LRRC45: variants seen among roughly 807,000 people sequenced by gnomAD.
LRRC45 encodes the protein leucine-rich repeat-containing protein 45.
LRRC45 carries 73 observed loss-of-function variants against 85.4 expected under a neutral mutation model. The ratio of observed to expected loss-of-function variants is 0.85; its 90% CI spans 0.71 to 1.04. LRRC45 has a LOEUF of 1.04. Ranked by LOEUF, LRRC45 falls within the 50% of genes least tolerant of loss-of-function variation. LRRC45 has a pLI of 0.00. For missense variants in LRRC45, 937 were observed against 883.3 expected (o/e 1.06, Z -0.77); for synonymous variants, 429 against 386.0 (o/e 1.11, Z -1.31).
At position 82,023,689 on chromosome 17, in the gene LRRC45, G is replaced by C; in HGVS notation, c.46G>C (p.Gly16Arg). Reference protein sequence around the residue: ...RSYSRLCRESGAEPQEAVLQQ... With the variant: ...RSYSRLCRESRAEPQEAVLQQ... ...CTACAGCCGCCTGTGCAGGGAGAGT[G>C]GGGCCGAGCCCCAGGAGGCTGTCCT... Residue 16 changes from glycine (G) to arginine (R), a missense_variant, in exon 1 of 17, where the codon GGG becomes CGG. By Grantham distance (125) the Gly-to-Arg change is moderately radical. Coordinates refer to ENST00000306688, the MANE Select transcript of LRRC45 (RefSeq NM_144999.4). 1 of 1,553,350 alleles carries C rather than the reference G, an allele frequency of 6.4e-7. No homozygotes were observed. The highest frequency in any genetic ancestry group is 1.2e-5 in the South Asian group (1 of 85,106).
Position 82,023,513 on chromosome 17 carries a change from C to T in LRRC45, c.-131C>T. On this transcript the variant is annotated 5_prime_UTR_variant, in exon 1 of 17. Coordinates refer to ENST00000306688, the MANE Select transcript of LRRC45 (RefSeq NM_144999.4). ...GGACCTCCCGCCCGCGGAGCCCACT[C>T]GGATTGCTCTCCGCCCGGGTCGGCG... 1 of 802,784 alleles carries T rather than the reference C, an allele frequency of 1.2e-6. No individual in the cohort carries two copies. The highest frequency in any genetic ancestry group is 1.9e-6 in the Non-Finnish European group (1 of 532,218). The allele number at this position is 802,784 out of a possible 1,614,324, so 49.7% of individuals were successfully genotyped here.
At chr17:82,024,846 T>C in intron 3 of LRRC45, 83 bp downstream of exon 3, 3 of 1,471,202 alleles carry the variant, frequency 2.0e-6, no homozygotes, top group Non-Finnish European at 2.7e-6. Flanking sequence ...GCCCAAGAGT[T>C]CCCCATTGCC....
Position 82,030,693 on chromosome 17 carries a change from C to A in LRRC45, c.1901C>A (p.Ala634Glu). Residue 634 changes from alanine (A) to glutamate (E), a missense_variant, in exon 17 of 17, where the codon GCG becomes GAG. Ala to Glu is a moderately radical substitution (Grantham distance 107, BLOSUM62 -1). Coordinates refer to ENST00000306688, the MANE Select transcript of LRRC45 (RefSeq NM_144999.4). ...SLREKLRLRE[A>E]EIARIRDEEA... ...CGGGAGAAGCTGCGGCTCCGGGAGG[C>A]GGAGATCGCCCGCATCCGGGACGAG... The A allele has an allele frequency of 6.7e-7, 1 of 1,491,244 alleles. No homozygotes were observed. Among genetic ancestry groups the A allele is most frequent in the Non-Finnish European group, 9.0e-7 (1 of 1,110,538 alleles). 92.4% of individuals were successfully genotyped at this position (1,491,244 alleles called of 1,614,324 possible).
Position 82,030,166 on chromosome 17 carries a change from G to A in LRRC45, c.1596G>A (p.Glu532=). The A allele has an allele frequency of 1.9e-6, 3 of 1,546,428 alleles. No homozygotes were observed. Among genetic ancestry groups the A allele is most frequent in the Non-Finnish European group, 2.6e-6 (3 of 1,145,406 alleles). ...TACAGCAGAAGCAGGTGGTGGCCGA[G>A]GCCCAGACCCGGGTCAGCCAGCTGG... ...ACLQQKQVVA[E]AQTRVSQLGL... Residue 532 remains glutamate (E), a synonymous_variant, in exon 15 of 17, where the codon GAG becomes GAA. Transcript: ENST00000306688.
Position 82,027,385 on chromosome 17 carries a change from G to A in LRRC45, c.775-1G>A, listed in dbSNP as rs368250722. The A allele has an allele frequency of 6.2e-7, 1 of 1,612,616 alleles. No homozygotes were observed. Among genetic ancestry groups the A allele is most frequent in the Non-Finnish European group, 8.5e-7 (1 of 1,179,944 alleles). ...AGGGCTGCGGCTGTCTCTGTCCCCAGTTCCTCGACTTGATGGAGACTATTG... is the reference window on the plus strand; with the variant it reads ...AGGGCTGCGGCTGTCTCTGTCCCCAATTCCTCGACTTGATGGAGACTATTG... On this transcript the variant is annotated splice_acceptor_variant, in intron 6 of 16. Coordinates refer to ENST00000306688, the MANE Select transcript of LRRC45 (RefSeq NM_144999.4). LOFTEE classifies it high-confidence loss of function.
At chr17:82,024,015 G>T (rs7212595) in intron 1 of LRRC45, 152 bp downstream of exon 1, 1 of 755,844 alleles carries the variant, frequency 1.3e-6, no homozygotes, top group Non-Finnish European at 2.1e-6. Flanking sequence ...GGGAGTAGAG[G>T]GCAGTTCCTC....
rs779922583 is a variant in LRRC45 at position 82,029,084 on chromosome 17, CCT to C, written c.1309-8_1309-7del. ...CCACTCTGGCCCCACAATCCCTGCC[CCT>C]GAGCAGGTGGAGCATATGACCCGTC... On this transcript the variant is annotated splice_region_variant and splice_polypyrimidine_tract_variant and intron_variant, in intron 12 of 16. Transcript: ENST00000306688. The C allele has an allele frequency of 1.4e-5, 22 of 1,611,106 alleles. No individual in the cohort carries two copies. Among genetic ancestry groups the C allele is most frequent in the South Asian group, 1.1e-5 (1 of 90,532 alleles).
At chr17:82,028,343 G>A (rs757416425) in intron 10 of LRRC45, 32 bp downstream of exon 10, 24 of 1,605,342 alleles carry the variant, frequency 1.5e-5, no homozygotes, top group Non-Finnish European at 1.9e-5. Context: ...AGGGAGCCCA[G>A]GGTGGGCGCG....
chr17:82,023,377 C>G lies in LRRC45; in HGVS notation c.-267C>G, dbSNP rs2043330399. The G allele has an allele frequency of 2.1e-6, 1 of 485,830 alleles. No individual in the cohort carries two copies. The allele number at this position is 485,830 out of a possible 1,614,324, so 30.1% of individuals were successfully genotyped here. On this transcript the variant is annotated 5_prime_UTR_variant, in exon 1 of 17. Transcript: ENST00000306688. ...GGTCGGGGCTGCAGGCGGGGCAGGGCTGGGTGGGGGCGCGCGACGCACCTG... is the reference window on the plus strand; with the variant it reads ...GGTCGGGGCTGCAGGCGGGGCAGGGGTGGGTGGGGGCGCGCGACGCACCTG...
intron 1 of LRRC45, 172 bp from the exon 2 acceptor site, chr17:82,024,106 G>T (rs1473960986): frequency 1.2e-6 from 1 of 807,726 alleles, no homozygotes; most frequent in Non-Finnish European, 1.9e-6. Context: ...CCTGGCAGGG[G>T]CTGCAGGTGT....
At position 82,027,463 on chromosome 17, in the gene LRRC45, G is replaced by A. The variant is rs1033110417; in HGVS notation, c.833+19G>A. The A allele has an allele frequency of 1.9e-6, 3 of 1,612,554 alleles. No homozygotes were observed. Among genetic ancestry groups the A allele is most frequent in the Non-Finnish European group, 2.5e-6 (3 of 1,179,884 alleles). On this transcript the variant is annotated intron_variant, in intron 7 of 16. Coordinates refer to ENST00000306688, the MANE Select transcript of LRRC45 (RefSeq NM_144999.4). ...GCAGCAGGTGAGCGGGCCCAGGGCA[G>A]GGGCAGGGTGAGGCTTCAGGGATCA...
At chr17:82,024,113 G>A in intron 1 of LRRC45, 165 bp from the exon 2 acceptor site, 1 of 835,262 alleles carries the variant, frequency 1.2e-6, no homozygotes, top group South Asian at 1.8e-5. Context: ...GGGGCTGCAG[G>A]TGTTTCAAAC....
intron 1 of LRRC45, 35 bp downstream of exon 1, chr17:82,023,898 C>T (rs989381826): frequency 2.0e-6 from 3 of 1,525,542 alleles, no homozygotes; most frequent in East Asian, 2.5e-5. Context: ...CCCTCTGCTC[C>T]TTAGCTGCCC....
chr17:82,030,200 G>A lies in LRRC45; in HGVS notation c.1630G>A (p.Val544Ile), dbSNP rs1219241911. The change falls in exon 15 of 17, where the codon GTT becomes ATT. Residue 544 changes from valine to isoleucine, a missense_variant. Val to Ile is a conservative substitution (Grantham distance 29). Coordinates refer to ENST00000306688, the MANE Select transcript of LRRC45 (RefSeq NM_144999.4). ...CCGGGTCAGCCAGCTGGGCCTGCAA[G>A]TTGAGGGCCTGCGGCGGCGCCTGGA... ...QTRVSQLGLQ[V>I]EGLRRRLEEL... 1 of 1,540,726 alleles carries A rather than the reference G, an allele frequency of 6.5e-7. No individual in the cohort carries two copies. The highest frequency in any genetic ancestry group is 8.8e-7 in the Non-Finnish European group (1 of 1,141,164).
intron 12 of LRRC45, 73 bp downstream of exon 12, chr17:82,028,756 C>A: frequency 6.7e-7 from 1 of 1,489,074 alleles, no homozygotes; most frequent in Non-Finnish European, 9.1e-7. Flanking sequence ...CCAAAGCACA[C>A]ACCTGGTGGG....
At position 82,023,799 on chromosome 17, in the gene LRRC45, G is replaced by C; in HGVS notation, c.156G>C (p.Lys52Asn). Residue 52 changes from lysine (K) to asparagine (N), a missense_variant, in exon 1 of 17, where the codon AAG becomes AAC. By Grantham distance (94) the Lys-to-Asn change is moderately conservative. Transcript: ENST00000306688. ...LTVETCRALG[K>N]LLPRETLCTE... The stretch of plus-strand genomic sequence containing the variant: ...TGGAGACCTGCAGGGCCCTGGGCAA[G>C]CTGCTGCCGAGGGAGACGCTGTGCA... 6.4e-7 allele frequency: 1 copy of C among 1,570,042 alleles called. No individual in the cohort carries two copies. Among genetic ancestry groups the C allele is most frequent in the Non-Finnish European group, 8.6e-7 (1 of 1,160,122 alleles).
intron 6 of LRRC45, 115 bp from the exon 7 acceptor site, chr17:82,027,271 T>C: frequency 7.5e-7 from 1 of 1,331,152 alleles, no homozygotes; most frequent in Non-Finnish European, 1.1e-6. Context: ...GCACCGTGGG[T>C]GGAACCCTCC....
chr17:82,027,593 A>G, intron 7 of LRRC45, 81 bp from the exon 8 acceptor site: 9 of 1,538,406 alleles, frequency 5.9e-6, no homozygotes, highest in Non-Finnish European at 8.0e-6. Flanking sequence ...CTTAAGGAAC[A>G]GCAGCAGCTA....
rs759566785 is a variant in LRRC45, at chr17:82,024,702, C to G, written c.292C>G (p.Leu98Val). Residue 98 changes from leucine to valine, a missense_variant, in exon 3 of 17, where the codon CTT (leucine) becomes GTT (valine). By Grantham distance (32) the Leu-to-Val change is conservative. Coordinates refer to ENST00000306688, the MANE Select transcript of LRRC45 (RefSeq NM_144999.4). ...CCTGTTTCTCTCCTAGGGCAACAAC[C>G]TTCGGGCTGCAGGGGCCGAGGCTCT... is the stretch of plus-strand genomic sequence containing the variant. ...LRFLDLKGNN[L>V]RAAGAEALGK... 4.7e-5 allele frequency: 74 copies of G among 1,572,786 alleles called. No individual in the cohort carries two copies. The highest frequency in any genetic ancestry group is 6.4e-5 in the Non-Finnish European group (74 of 1,163,316).
Sources: gnomAD v4.1 joint callset for allele counts on GRCh38, gnomAD v4.1.1 for gene constraint, MANE v1.5 for transcripts, NCBI Gene and HGNC (gene_info 2026-07-23, HGNC 2026-07-21) for gene names.